The following DOCK10 variants were observed in gnomAD, a reference collection of about 807,000 sequenced individuals.
DOCK10 encodes the protein dedicator of cytokinesis protein 10.
DOCK10 carries 145 observed loss-of-function variants against 280.1 expected under a neutral mutation model. That is an observed-to-expected ratio of 0.52 (90% CI 0.45 to 0.59). The LOEUF (loss-of-function observed/expected upper bound fraction) is 0.59. Among genes scored for constraint, DOCK10 ranks in the 20% least tolerant of loss-of-function variants. The pLI is 0.00. For missense variants in DOCK10, 2,368 were observed against 2,651.7 expected, an observed-to-expected ratio of 0.89 and a Z score of 2.35; for synonymous variants, 915 against 942.2, an observed-to-expected ratio of 0.97 and a Z score of 0.53.
chr2:224,989,113 G>C (rs1706059733), intron 1 of DOCK10, among the ~76,000 whole-genome samples: 1 of 152,210 alleles, frequency 6.6e-6, no homozygotes, highest in Non-Finnish European at 1.5e-5. Context: ...GCTGATCCTG[G>C]AGAGTTGGCT....
chr2:224,993,027 A>G (rs1284691015), intron 1 of DOCK10, among the ~76,000 whole-genome samples: 1 of 152,182 alleles, frequency 6.6e-6, no homozygotes, highest in African/African-American at 2.4e-5. Flanking sequence ...CAAAAGAGGT[A>G]GGAGCACTGA....
At chr2:224,941,212 T>TC (rs1703047027) in intron 1 of DOCK10, among the ~76,000 whole-genome samples, 1 of 151,574 alleles carries the variant, frequency 6.6e-6, no homozygotes, top group Non-Finnish European at 1.5e-5. Context: ...TTTTTTTTTT[T>TC]AGATGAGTAA....
At chr2:224,901,285 G>A (rs1700281688) in intron 3 of DOCK10, among the ~76,000 whole-genome samples, 1 of 152,124 alleles carries the variant, frequency 6.6e-6, no homozygotes. Context: ...GTAAGACAAT[G>A]ACTCCAATTT....
At chr2:224,983,218 T>G (rs1201576351) in intron 1 of DOCK10, among the ~76,000 whole-genome samples, 1 of 152,172 alleles carries the variant, frequency 6.6e-6, no homozygotes, top group African/African-American at 2.4e-5. Flanking sequence ...GGAAGGACTT[T>G]GAGGTCTTTG....
chr2:224,943,026 T>G (rs1703182176), intron 1 of DOCK10, among the ~76,000 whole-genome samples: 1 of 152,120 alleles, frequency 6.6e-6, no homozygotes, highest in African/African-American at 2.4e-5. Context: ...ATTGACTTCC[T>G]TTGCACTAGA....
rs180726893 is a variant in DOCK10 at position 224,886,807 on chromosome 2, T to G, written c.417-276A>C. 3.3e-5 allele frequency among the ~76,000 whole-genome samples: 5 copies of G among 152,088 alleles called. No individual in the cohort carries two copies. In the East Asian group the frequency reaches 7.7e-4, roughly 24 times the overall value. The stretch of plus-strand genomic sequence containing the variant: ...TCTCACTCTGTCGCTCAGGCTAAAG[T>G]GCAGTGGCATGATCTCGGCTCACTG... On this transcript the variant is annotated intron_variant, in intron 4 of 55. Coordinates refer to ENST00000258390, the MANE Select transcript of DOCK10 (RefSeq NM_014689.3).
intron 7 of DOCK10, among the ~76,000 whole-genome samples, chr2:224,877,176 T>G (rs921599461): frequency 1.3e-5 from 2 of 152,238 alleles, no homozygotes; most frequent in Non-Finnish European, 2.9e-5. Flanking sequence ...CAGATCTCAA[T>G]TGAAACTTTC....
intron 1 of DOCK10, among the ~76,000 whole-genome samples, chr2:225,040,513 CGT>C (rs34574873): frequency 0.38 from 55,792 of 147,188 alleles, 10,979 homozygotes; most frequent in South Asian, 0.52. Flanking sequence ...GAAAGCAGTG[CGT>C]GTGTGTGTGT....
At chr2:224,916,609 G>T in intron 3 of DOCK10, 86 bp downstream of exon 3, 1 of 865,776 alleles carries the variant, frequency 1.2e-6, no homozygotes, top group East Asian at 2.8e-5. Flanking sequence ...GAAAATGACA[G>T]GAAGATAATA....
intron 1 of DOCK10, among the ~76,000 whole-genome samples, chr2:225,003,274 G>A (rs942591260): frequency 6.6e-6 from 1 of 152,082 alleles, no homozygotes; most frequent in Non-Finnish European, 1.5e-5. Context: ...TGAACTCCTG[G>A]ACTCAAGTAT....
chr2:224,916,845 A>G, intron 2 of DOCK10, 61 bp from the exon 3 acceptor site: 2 of 1,228,910 alleles, frequency 1.6e-6, no homozygotes, highest in East Asian at 2.5e-5. Flanking sequence ...GCAGACCAGC[A>G]CACTGAACAC....
intron 42 of DOCK10, 133 bp from the exon 43 acceptor site, chr2:224,797,279 A>G: frequency 1.6e-6 from 1 of 614,478 alleles, no homozygotes; most frequent in East Asian, 3.1e-5. Flanking sequence ...TTTTTTTTTC[A>G]TTTGCAAGTG....
chr2:224,957,757 C>A (rs1435808208), intron 1 of DOCK10, among the ~76,000 whole-genome samples: 1 of 152,228 alleles, frequency 6.6e-6, no homozygotes, highest in Non-Finnish European at 1.5e-5. Context: ...TGTCTCAAAA[C>A]ACCACTATTC....
intron 1 of DOCK10, among the ~76,000 whole-genome samples, chr2:224,967,302 T>A (rs183620899): frequency 5.9e-5 from 9 of 152,078 alleles, no homozygotes; most frequent in Admixed American, 3.3e-4. Context: ...GGATGGTCTT[T>A]ATCTCCTGAC....
intron 1 of DOCK10, among the ~76,000 whole-genome samples, chr2:225,019,091 T>A (rs1009651352): frequency 6.6e-6 from 1 of 152,136 alleles, no homozygotes; most frequent in Admixed American, 6.5e-5. Context: ...AAACCTTTAT[T>A]TTTGAATTGT....
At chr2:224,817,379 G>A (rs1694198472) in intron 29 of DOCK10, among the ~76,000 whole-genome samples, 2 of 152,134 alleles carry the variant, frequency 1.3e-5, no homozygotes, top group Non-Finnish European at 2.9e-5. Flanking sequence ...TCTCATGCAT[G>A]CTAAGTAACC....
At chr2:224,896,488 C>G in intron 3 of DOCK10, 111 bp from the exon 4 acceptor site, 1 of 594,132 alleles carries the variant, frequency 1.7e-6, no homozygotes, top group South Asian at 2.5e-5. Context: ...GCGGGTAGAT[C>G]ACCTGAGATC....
rs1292733897 is a variant in DOCK10 at position 225,002,823 on chromosome 2, G to A, written c.123+39429C>T. Among the ~76,000 whole-genome samples, 11 of 151,930 alleles carry A rather than the reference G, an allele frequency of 7.2e-5. No homozygotes were observed. In the South Asian group the frequency reaches 1.9e-3, roughly 26 times the overall value. On this transcript the variant is annotated intron_variant, in intron 1 of 55. Transcript: ENST00000258390. ...GTCTGTCTTGCATGATCGGGCAGGT[G>A]TAAACATCCACATATGCAGAAAGAA...
At chr2:224,852,240 A>G (rs775511466) in intron 18 of DOCK10, 137 bp downstream of exon 18, 2 of 635,760 alleles carry the variant, frequency 3.1e-6, no homozygotes, top group Non-Finnish European at 5.6e-6. Context: ...TAAATCAGGT[A>G]TGTTTCAGAT....
Sources: gnomAD v4.1 joint callset for allele counts (sites outside exome capture counted in the v4.1 genomes callset) on GRCh38, gnomAD v4.1.1 for gene constraint, MANE v1.5 for transcripts, NCBI Gene and HGNC (gene_info 2026-07-23, HGNC 2026-07-21) for gene names.